DCC: variants seen among roughly 807,000 people sequenced by gnomAD.
DCC encodes the protein DCC netrin 1 receptor, also known as netrin receptor DCC.
A neutral mutation model predicts 172.5 loss-of-function variants in DCC; 58 were observed. The ratio of observed to expected loss-of-function variants is 0.34; its 90% confidence interval spans 0.27 to 0.42. The LOEUF (loss-of-function observed/expected upper bound fraction) is 0.42. Among genes scored for constraint, DCC ranks in the 10% least tolerant of loss-of-function variants. The pLI, the probability that DCC is intolerant of heterozygous loss-of-function variation, is 1.00. For synonymous variants in DCC, 709 were observed against 644.5 expected, an observed-to-expected ratio of 1.10 and a Z score of -1.52; for missense variants, 1,740 against 1,791.0, an observed-to-expected ratio of 0.97 and a Z score of 0.51.
chr18:53,073,231 A>G (rs1409635761), intron 7 of DCC, among the ~76,000 whole-genome samples: 1 of 152,160 alleles, frequency 6.6e-6, no homozygotes, highest in Non-Finnish European at 1.5e-5. Flanking sequence ...ACAAATAAAA[A>G]AAAATAAAAA....
At chr18:52,407,998 T>G (rs1986711610) in intron 1 of DCC, among the ~76,000 whole-genome samples, 1 of 152,214 alleles carries the variant, frequency 6.6e-6, no homozygotes, top group South Asian at 2.1e-4. Flanking sequence ...TGGTTAAGAC[T>G]TAAGTATAAC....
At chr18:53,186,416 G>A (rs1255149969) in intron 9 of DCC, among the ~76,000 whole-genome samples, 2 of 152,146 alleles carry the variant, frequency 1.3e-5, no homozygotes, top group African/African-American at 4.8e-5. Flanking sequence ...AAGCCAGCAT[G>A]AACATCTTCG....
chr18:52,416,792 A>G (rs1463963793), intron 1 of DCC, among the ~76,000 whole-genome samples: 1 of 152,050 alleles, frequency 6.6e-6, no homozygotes, highest in Non-Finnish European at 1.5e-5. Context: ...GGGTTTCCTG[A>G]ATACAGCACA....
At chr18:52,654,381 T>A (rs896900795) in intron 1 of DCC, among the ~76,000 whole-genome samples, 17 of 152,144 alleles carry the variant, frequency 1.1e-4, no homozygotes, top group Non-Finnish European at 2.5e-4. Context: ...AGCATTCCCT[T>A]ATACCTGTAT....
chr18:53,412,915 C>G (rs1196499089), intron 20 of DCC, among the ~76,000 whole-genome samples: 1 of 152,114 alleles, frequency 6.6e-6, no homozygotes, highest in Admixed American at 6.6e-5. Context: ...GTATCTAATT[C>G]TTTCTTTGGA....
chr18:53,187,835 C>T (rs1391599696), intron 9 of DCC, among the ~76,000 whole-genome samples: 1 of 152,206 alleles, frequency 6.6e-6, no homozygotes, highest in African/African-American at 2.4e-5. Context: ...TGATTACAGG[C>T]TATTCTGCAG....
intron 2 of DCC, among the ~76,000 whole-genome samples, chr18:52,769,703 G>T (rs1207195321): frequency 6.6e-6 from 1 of 151,994 alleles, no homozygotes; most frequent in African/African-American, 2.4e-5. Flanking sequence ...TTTTCTTCTA[G>T]TTTTATAGTT....
chr18:52,606,288 C>T (rs1391213053), intron 1 of DCC, among the ~76,000 whole-genome samples: 1 of 151,928 alleles, frequency 6.6e-6, no homozygotes, highest in African/African-American at 2.4e-5. Flanking sequence ...GCTTAAACTC[C>T]CAGACCCAAT....
rs533590077 is a variant in DCC, at chr18:53,352,641, C to A, written c.2359+12734C>A. The stretch of plus-strand genomic sequence containing the variant: ...ATAATTACAGTGGGTTTTTTGTTGG[C>A]AGCACACACTTGGAGTTTTCATCAT... On this transcript the variant is annotated intron_variant, in intron 15 of 28. Coordinates refer to ENST00000442544, the MANE Select transcript of DCC (RefSeq NM_005215.4). Among the ~76,000 whole-genome samples, 3 of 152,156 alleles carry A rather than the reference C, an allele frequency of 2.0e-5. No individual in the cohort carries two copies. In the South Asian group the frequency reaches 6.2e-4, roughly 32 times the overall value.
intron 1 of DCC, among the ~76,000 whole-genome samples, chr18:52,710,507 T>A (rs1252692479): frequency 1.3e-5 from 2 of 152,216 alleles, no homozygotes; most frequent in Non-Finnish European, 2.9e-5. Context: ...TGCCTGTTGA[T>A]GTGTGTGTGT....
At chr18:53,405,719 A>G (rs1354451741) in intron 19 of DCC, among the ~76,000 whole-genome samples, 1 of 152,230 alleles carries the variant, frequency 6.6e-6, no homozygotes, top group African/African-American at 2.4e-5. Flanking sequence ...AAATGATTCA[A>G]AATACATTAA....
At chr18:52,352,363 C>A (rs1424585407) in intron 1 of DCC, among the ~76,000 whole-genome samples, 1 of 152,128 alleles carries the variant, frequency 6.6e-6, no homozygotes, top group Admixed American at 6.5e-5. Context: ...AGTCAGACTC[C>A]AATGGCAATT....
chr18:52,486,440 A>AT (rs1188964453), intron 1 of DCC, among the ~76,000 whole-genome samples: 6 of 152,300 alleles, frequency 3.9e-5, no homozygotes, highest in African/African-American at 1.4e-4. Flanking sequence ...CTGATTTCAC[A>AT]AAATAGAAAG....
At chr18:53,295,439 T>C (rs1339869783) in intron 12 of DCC, among the ~76,000 whole-genome samples, 1 of 152,154 alleles carries the variant, frequency 6.6e-6, no homozygotes, top group African/African-American at 2.4e-5. Flanking sequence ...ATGAAAATTG[T>C]TTACAAATAC....
At chr18:53,509,091 T>G (rs2046219218) in intron 27 of DCC, among the ~76,000 whole-genome samples, 1 of 152,228 alleles carries the variant, frequency 6.6e-6, no homozygotes, top group South Asian at 2.1e-4. Flanking sequence ...TTCTGGAGTT[T>G]CCTAGATCCC....
At chr18:53,248,886 A>G (rs1268851030) in intron 12 of DCC, among the ~76,000 whole-genome samples, 2 of 152,148 alleles carry the variant, frequency 1.3e-5, no homozygotes, top group East Asian at 3.9e-4. Flanking sequence ...AAATAATTCA[A>G]TTACATTGGC....
intron 12 of DCC, among the ~76,000 whole-genome samples, chr18:53,220,419 T>C (rs1053498777): frequency 9.2e-5 from 14 of 152,248 alleles, no homozygotes; most frequent in African/African-American, 3.1e-4. Context: ...AGGCAGCCCA[T>C]GGAAAAACAT....
intron 12 of DCC, among the ~76,000 whole-genome samples, chr18:53,258,413 C>G (rs2056550860): frequency 6.6e-6 from 1 of 151,998 alleles, no homozygotes; most frequent in Admixed American, 6.6e-5. Flanking sequence ...TATGTTGTAT[C>G]TTTGTTCTCG....
chr18:52,705,700 C>A (rs2036196750), intron 1 of DCC, among the ~76,000 whole-genome samples: 1 of 152,138 alleles, frequency 6.6e-6, no homozygotes, highest in Non-Finnish European at 1.5e-5. Flanking sequence ...GTGTTTTTAA[C>A]CACATCATTG....
Sources: gnomAD v4.1 joint callset for allele counts (sites outside exome capture counted in the v4.1 genomes callset) on GRCh38, gnomAD v4.1.1 for gene constraint, MANE v1.5 for transcripts, NCBI Gene and HGNC (gene_info 2026-07-23, HGNC 2026-07-21) for gene names.